Variants in LOXHD1 observed in about 807,000 individuals in gnomAD.
LOXHD1 encodes lipoxygenase homology PLAT domains 1.
LOXHD1 carries 205 observed loss-of-function variants against 248.2 expected under a neutral mutation model. The observed-to-expected ratio is 0.83, with a 90% CI of 0.74 to 0.93. The LOEUF is 0.93. LOXHD1 is among the 40% of genes least tolerant of loss of function. The pLI is 0.00. For synonymous variants in LOXHD1, 1,113 were observed against 1,162.8 expected (o/e 0.96, Z 0.87); for missense variants, 2,930 against 2,971.6 (o/e 0.99, Z 0.33).
At chr18:46,557,263 G>GCCCA in intron 21 of LOXHD1, 93 bp downstream of exon 21, 1 of 1,483,718 alleles carries the variant, frequency 6.7e-7, no homozygotes, top group South Asian at 1.2e-5. Flanking sequence ...GTCACAGCCG[G>GCCCA]CCCACCCCCA....
intron 37 of LOXHD1, among the ~76,000 whole-genome samples, chr18:46,497,490 T>C (rs2033948045): frequency 6.6e-6 from 1 of 152,100 alleles, no homozygotes; most frequent in Non-Finnish European, 1.5e-5. Context: ...GCAGCTGGCA[T>C]TGGAGGACTT....
chr18:46,490,824 A>G (rs1438942868), intron 37 of LOXHD1, among the ~76,000 whole-genome samples: 4 of 152,222 alleles, frequency 2.6e-5, no homozygotes, highest in African/African-American at 7.2e-5. Flanking sequence ...TAATCTTTCA[A>G]TTTTTCTACA....
In LOXHD1 at chr18:46,601,256, A is replaced by G; in HGVS notation, c.1095T>C (p.His365=). The G allele has an allele frequency of 1.9e-6, 3 of 1,551,702 alleles. No individual in the cohort carries two copies. Among genetic ancestry groups the G allele is most frequent in the Non-Finnish European group, 2.6e-6 (3 of 1,146,996 alleles). Residue 365 remains histidine, a synonymous_variant, in exon 8 of 41, where the codon CAT becomes CAC. Coordinates refer to ENST00000642948, the MANE Select transcript of LOXHD1 (RefSeq NM_001384474.1). ...LSPLSRVSVG[H]GNVGVNRGWF... ...AGCCTCTGTTGACACCCACATTGCC[A>G]TGCCCGACGGAGACCCGACTCAGGG...
At chr18:46,565,310 G>A (rs898475802) in intron 17 of LOXHD1, among the ~76,000 whole-genome samples, 1 of 151,834 alleles carries the variant, frequency 6.6e-6, no homozygotes, top group African/African-American at 2.4e-5. Flanking sequence ...GCCAGGCTTT[G>A]GTCCCACTGT....
intron 21 of LOXHD1, among the ~76,000 whole-genome samples, chr18:46,547,308 G>A (rs971363799): frequency 6.6e-6 from 1 of 152,214 alleles, no homozygotes; most frequent in African/African-American, 2.4e-5. Context: ...CCTGCCTGGA[G>A]CACACAGAGC....
At chr18:46,624,807 T>C (rs1481600266) in intron 4 of LOXHD1, among the ~76,000 whole-genome samples, 2 of 152,188 alleles carry the variant, frequency 1.3e-5, no homozygotes, top group African/African-American at 4.8e-5. Flanking sequence ...CTTTTCTCCC[T>C]TCTCCCTTTC....
intron 34 of LOXHD1, 64 bp downstream of exon 34, chr18:46,518,065 G>C: frequency 6.5e-7 from 1 of 1,545,246 alleles, no homozygotes. Context: ...GCTGAAGGCA[G>C]GGTGGGGCAG....
chr18:46,513,378 T>C lies in LOXHD1; in HGVS notation c.5400-3563A>G, dbSNP rs553921680. On this transcript the variant is annotated intron_variant, in intron 34 of 40. Coordinates refer to ENST00000642948, the MANE Select transcript of LOXHD1 (RefSeq NM_001384474.1). ...CTTGGAATCCATGTATATAACTGTA[T>C]GGTAAAAAGAAAAGGGAGGTCTTTG... Among the ~76,000 whole-genome samples the C allele has an allele frequency of 2.6e-5, 4 of 152,238 alleles. No individual in the cohort carries two copies. In the East Asian group the frequency reaches 7.7e-4, roughly 29 times the overall value.
intron 11 of LOXHD1, 55 bp from the exon 12 acceptor site, chr18:46,592,123 C>A: frequency 1.3e-6 from 2 of 1,545,852 alleles, no homozygotes; most frequent in South Asian, 1.2e-5. Context: ...TTCACCGATG[C>A]CCTGCAGTCC....
rs759919887 is a variant in LOXHD1 at position 46,477,496 on chromosome 18, C to T, written c.6798G>A (p.Trp2266Ter). 4 of 1,550,126 alleles carry T rather than the reference C, an allele frequency of 2.6e-6. No individual in the cohort carries two copies. Among genetic ancestry groups the T allele is most frequent in the Admixed American group, 2.0e-5 (1 of 50,982 alleles). ...CTCAGACAGAAGGGAAGAGGTCTCT[C>T]CAGGTGAGTCCATCCCCCCGCTTCT... ...LDKKRGDGLT[W>*]RDLFPSV is the part of the protein sequence containing the mutation. The change falls in exon 41 of 41, where the codon TGG (tryptophan) becomes TGA (stop). Residue 2266 changes from tryptophan to a stop codon, truncating the protein, a stop_gained. Coordinates refer to ENST00000642948, the MANE Select transcript of LOXHD1 (RefSeq NM_001384474.1). LOFTEE classifies it high-confidence loss of function.
At chr18:46,482,788 G>A (rs1275981138) in intron 40 of LOXHD1, among the ~76,000 whole-genome samples, 2 of 152,232 alleles carry the variant, frequency 1.3e-5, no homozygotes, top group African/African-American at 2.4e-5. Context: ...GGTGTGGTAT[G>A]AGCAGGGCCA....
Position 46,534,360 on chromosome 18 carries a change from A to G in LOXHD1, c.4187T>C (p.Ile1396Thr). ...GTCTTTATCCGGGAGGAGCCTGCGG[A>G]TGTCCACGTGAGAGCAGTGCCACCC... The part of the protein sequence containing the change: ...NPGWHCSHVD[I>T]RRLLPDKDGA... The change falls in exon 27 of 41, where the codon ATC becomes ACC. Residue 1396 changes from isoleucine (I) to threonine (T), a missense_variant. Physicochemically the swap from Ile to Thr is moderately conservative, Grantham distance 89 (BLOSUM62 -1). Coordinates refer to ENST00000642948, the MANE Select transcript of LOXHD1 (RefSeq NM_001384474.1). 6.4e-7 allele frequency: 1 copy of G among 1,551,572 alleles called. No homozygotes were observed. Among genetic ancestry groups the G allele is most frequent in the South Asian group, 1.2e-5 (1 of 84,056 alleles).
intron 21 of LOXHD1, among the ~76,000 whole-genome samples, 182 bp from the exon 22 acceptor site, chr18:46,547,240 G>T (rs2036889199): frequency 6.6e-6 from 1 of 152,170 alleles, no homozygotes; most frequent in South Asian, 2.1e-4. Flanking sequence ...TTTGCCTGGG[G>T]TAGAGAACAA....
At chr18:46,594,925 T>TTC (rs1202760345) in intron 8 of LOXHD1, among the ~76,000 whole-genome samples, 1 of 152,176 alleles carries the variant, frequency 6.6e-6, no homozygotes, top group Non-Finnish European at 1.5e-5. Flanking sequence ...CTCTTATACC[T>TTC]TCTCTATCTC....
At position 46,524,713 on chromosome 18, in the gene LOXHD1, C is replaced by A; in HGVS notation, c.4735G>T (p.Glu1579Ter). 1 of 1,551,712 alleles carries A rather than the reference C, an allele frequency of 6.4e-7. No individual in the cohort carries two copies. Among genetic ancestry groups the A allele is most frequent in the Admixed American group, 2.0e-5 (1 of 51,006 alleles). Residue 1579 changes from glutamate (E) to a stop codon, truncating the protein, a stop_gained, in exon 30 of 41, where the codon GAG (glutamate) becomes TAG (stop). Transcript: ENST00000642948. LOFTEE classifies it high-confidence loss of function. ...EDGRLERLFY[E>*]KEYTGDRSSN... Reference sequence around the variant, plus strand: ...CTATATACCCCTTGGCTCACCTTCTCGTAAAAGAGCCTCTCGAGTCGCCCA... The same window carrying A: ...CTATATACCCCTTGGCTCACCTTCTAGTAAAAGAGCCTCTCGAGTCGCCCA...
chr18:46,585,145 C>T (rs559754165), intron 12 of LOXHD1, among the ~76,000 whole-genome samples: 3 of 152,182 alleles, frequency 2.0e-5, no homozygotes, highest in East Asian at 3.9e-4. Flanking sequence ...GGACACTTTC[C>T]CCTTAAGATC....
At chr18:46,504,134 GAGACAGAGTCT>G (rs2034414025) in intron 37 of LOXHD1, among the ~76,000 whole-genome samples, 1 of 149,718 alleles carries the variant, frequency 6.7e-6, no homozygotes, top group Non-Finnish European at 1.5e-5. Flanking sequence ...GTTTTTTTTT[GAGACAGAGTCT>G]CACTGTTACC....
intron 34 of LOXHD1, among the ~76,000 whole-genome samples, chr18:46,514,380 C>T (rs560855534): frequency 2.6e-5 from 4 of 152,134 alleles, no homozygotes; most frequent in Non-Finnish European, 5.9e-5. Context: ...TTCATGCTGT[C>T]CCCTGGGACT....
In LOXHD1 at chr18:46,524,615, C is replaced by A; in HGVS notation, c.4741-14G>T. 7 of 1,551,624 alleles carry A rather than the reference C, an allele frequency of 4.5e-6. No individual in the cohort carries two copies. Among genetic ancestry groups the A allele is most frequent in the Non-Finnish European group, 6.1e-6 (7 of 1,146,928 alleles). ...CCCAGTGTACTCCTGTGTGGGAGAG[C>A]AGGACTGGCAGTTGCAGCTCCAGCA... On this transcript the variant is annotated splice_polypyrimidine_tract_variant and intron_variant, in intron 30 of 40. Transcript: ENST00000642948.
Sources: allele counts gnomAD v4.1 joint callset (sites outside exome capture counted in the v4.1 genomes callset), GRCh38; gene constraint gnomAD v4.1.1; transcripts MANE v1.5; gene names NCBI Gene and HGNC (gene_info 2026-07-23, HGNC 2026-07-21).